The following GSE1 variants were observed in gnomAD, a reference collection of about 807,000 sequenced individuals.
The protein encoded by GSE1 is Gse1 coiled-coil protein.
GSE1 carries 32 observed loss-of-function variants against 112.6 expected under a neutral mutation model. The observed-to-expected ratio is 0.28, with a 90% CI of 0.21 to 0.38. GSE1 has a LOEUF of 0.38. GSE1 is among the 10% of genes least tolerant of loss of function. The probability of loss-of-function intolerance (pLI) is 1.00; values close to 1 mark genes in which losing one functional copy is unlikely to be tolerated. For synonymous variants in GSE1, 1,115 were observed against 735.6 expected (o/e 1.52, Z -8.35); for missense variants, 2,348 against 1,699.2 (o/e 1.38, Z -6.71).
chr16:85,486,407 C>G (rs917341506), intron 2 of GSE1, among the ~76,000 whole-genome samples: 1 of 152,206 alleles, frequency 6.6e-6, no homozygotes, highest in Non-Finnish European at 1.5e-5. Context: ...CCGGCGTTGC[C>G]CAGGGCCGCC....
chr16:85,429,276 C>G (rs1308071768), intron 2 of GSE1, among the ~76,000 whole-genome samples: 1 of 152,238 alleles, frequency 6.6e-6, no homozygotes, highest in African/African-American at 2.4e-5. Flanking sequence ...CGGTCACATT[C>G]TGTGTGGCAT....
intron 2 of GSE1, among the ~76,000 whole-genome samples, chr16:85,471,467 G>A (rs987822738): frequency 6.6e-6 from 1 of 152,170 alleles, no homozygotes; most frequent in Non-Finnish European, 1.5e-5. Context: ...AGGCTGGAGT[G>A]CAGTGGTGAG....
chr16:85,666,211 G>A lies in GSE1; in HGVS notation c.2994G>A (p.Lys998=), dbSNP rs1318426117. The A allele has an allele frequency of 3.7e-6, 6 of 1,613,702 alleles. No individual in the cohort carries two copies. In the East Asian group the frequency reaches 6.7e-5, roughly 18 times the overall value. ...ACTATATCCGGGGCGCTGCACCCAA[G>A]GACATTCCTGTGCCGCTGTCCCACA... The part of the protein sequence containing the change: ...MLHYIRGAAP[K]DIPVPLSHST... The change falls in exon 13 of 16, where the codon AAG becomes AAA. Residue 998 remains lysine (K), a synonymous_variant. Coordinates refer to ENST00000253458, the MANE Select transcript of GSE1 (RefSeq NM_014615.5).
intron 1 of GSE1, among the ~76,000 whole-genome samples, chr16:85,632,192 A>AG (rs1158616993): frequency 3.3e-5 from 5 of 152,226 alleles, no homozygotes; most frequent in Admixed American, 2.6e-4. Context: ...AAGACAGGCT[A>AG]GGTGGGGCCC....
At chr16:85,238,340 C>G (rs1396870581) in intron 1 of GSE1, among the ~76,000 whole-genome samples, 1 of 152,232 alleles carries the variant, frequency 6.6e-6, no homozygotes, top group Admixed American at 6.5e-5. Context: ...ACCATCGCCT[C>G]TCACCAAGGC....
intron 1 of GSE1, among the ~76,000 whole-genome samples, chr16:85,318,748 A>T (rs2046037362): frequency 6.6e-6 from 1 of 152,200 alleles, no homozygotes; most frequent in African/African-American, 2.4e-5. Flanking sequence ...AGCAGCCTCC[A>T]GTGAGGATGT....
chr16:85,280,440 G>T (rs1046365380), intron 1 of GSE1, among the ~76,000 whole-genome samples: 1 of 152,154 alleles, frequency 6.6e-6, no homozygotes, highest in African/African-American at 2.4e-5. Context: ...CTGTTGCCCA[G>T]GCTGGAGTGT....
rs567535949 is a variant in GSE1 at position 85,666,719 on chromosome 16, G to T, written c.3130+372G>T. The T allele has an allele frequency of 1.2e-5, 3 of 248,360 alleles. No homozygotes were observed. In the East Asian group the frequency reaches 3.6e-4, roughly 29 times the overall value. The allele number at this position is 248,360 out of a possible 1,614,324, so 15.4% of individuals were successfully genotyped here. ...GATTTTTACCCGCATTCATTTGAAA[G>T]AATCATGTTTTTCAAGACAGAGATG... is the stretch of plus-strand genomic sequence containing the variant. On this transcript the variant is annotated intron_variant, in intron 13 of 15. Coordinates refer to ENST00000253458, the MANE Select transcript of GSE1 (RefSeq NM_014615.5).
intron 1 of GSE1, among the ~76,000 whole-genome samples, chr16:85,601,846 A>T (rs916241281): frequency 1.3e-5 from 2 of 152,184 alleles, no homozygotes; most frequent in Middle Eastern, 3.2e-3. Context: ...TGCCCTGGAC[A>T]CCAGGGTCTC....
chr16:85,413,857 C>T (rs958087847), intron 2 of GSE1, among the ~76,000 whole-genome samples: 70 of 152,080 alleles, frequency 4.6e-4, no homozygotes, highest in Admixed American at 1.2e-3. Flanking sequence ...GGTGGTTTTC[C>T]TTGTACTGTT....
chr16:85,404,724 G>GGC (rs1555580034), intron 2 of GSE1, among the ~76,000 whole-genome samples: 2 of 32,902 alleles, frequency 6.1e-5, no homozygotes, highest in Admixed American at 3.0e-4. Flanking sequence ...TTACACTCAG[G>GGC]CCCCCCGGAT....
chr16:85,343,427 A>G (rs2046666505), intron 1 of GSE1, among the ~76,000 whole-genome samples: 1 of 152,182 alleles, frequency 6.6e-6, no homozygotes, highest in South Asian at 2.1e-4. Flanking sequence ...TACTGCTTAC[A>G]GCTGCAAACA....
intron 2 of GSE1, among the ~76,000 whole-genome samples, chr16:85,474,579 CTG>C (rs1356130729): frequency 6.6e-6 from 1 of 152,130 alleles, no homozygotes; most frequent in Non-Finnish European, 1.5e-5. Context: ...CTTGCCTGGG[CTG>C]TGTCCCCATC....
chr16:85,667,032 T>G (rs1235546877), intron 13 of GSE1, among the ~76,000 whole-genome samples: 1 of 152,260 alleles, frequency 6.6e-6, no homozygotes, highest in Non-Finnish European at 1.5e-5. Context: ...GCAGATACTA[T>G]GCCACTTTAT....
At chr16:85,172,864 C>A (rs949104089) in intron 1 of GSE1, among the ~76,000 whole-genome samples, 2 of 152,222 alleles carry the variant, frequency 1.3e-5, no homozygotes, top group African/African-American at 2.4e-5. Context: ...GGGACATGTT[C>A]ACTTACAGTG....
intron 2 of GSE1, among the ~76,000 whole-genome samples, chr16:85,488,458 A>G (rs1422899941): frequency 6.6e-6 from 1 of 152,024 alleles, no homozygotes; most frequent in Non-Finnish European, 1.5e-5. Context: ...AAGCTCTAGA[A>G]ACGCAGGGTC....
chr16:85,656,257 C>G (rs997939474), intron 6 of GSE1, 86 bp from the exon 7 acceptor site: 1 of 1,528,366 alleles, frequency 6.5e-7, no homozygotes, highest in South Asian at 1.2e-5. Flanking sequence ...CTGGCTCGTT[C>G]CTGGTTATGC....
At chr16:85,644,017 A>G (rs2050654893) in intron 2 of GSE1, among the ~76,000 whole-genome samples, 1 of 152,008 alleles carries the variant, frequency 6.6e-6, no homozygotes, top group Non-Finnish European at 1.5e-5. Context: ...CCGGGTGCAC[A>G]GGAGGGCTTT....
chr16:85,624,475 G>T (rs1211154673), intron 1 of GSE1, among the ~76,000 whole-genome samples: 1 of 152,192 alleles, frequency 6.6e-6, no homozygotes, highest in South Asian at 2.1e-4. Flanking sequence ...GGTCCCGTCC[G>T]TAAAACGGGT....
Sources: gnomAD v4.1 joint callset for allele counts (sites outside exome capture counted in the v4.1 genomes callset) on GRCh38, gnomAD v4.1.1 for gene constraint, MANE v1.5 for transcripts, NCBI Gene and HGNC (gene_info 2026-07-23, HGNC 2026-07-21) for gene names.